DDX24: variants seen among roughly 807,000 people sequenced by gnomAD.
The protein encoded by DDX24 is DEAD-box helicase 24.
DDX24 carries 24 observed loss-of-function variants against 68.9 expected under a neutral mutation model. The ratio of observed to expected loss-of-function variants is 0.35; its 90% confidence interval spans 0.25 to 0.49. DDX24 has a LOEUF of 0.49. Among genes scored for constraint, DDX24 ranks in the 20% least tolerant of loss-of-function variants. The pLI is 0.99. For missense variants in DDX24, 989 were observed against 1,039.0 expected, an observed-to-expected ratio of 0.95 and a Z score of 0.66; for synonymous variants, 395 against 385.2, an observed-to-expected ratio of 1.03 and a Z score of -0.30.
At chr14:94,058,772 A>G (rs998331163) in intron 5 of DDX24, among the ~76,000 whole-genome samples, 1 of 152,224 alleles carries the variant, frequency 6.6e-6, no homozygotes, top group Non-Finnish European at 1.5e-5. Context: ...GTAAAACATT[A>G]AACTACTGCT....
At chr14:94,071,536 C>A (rs1378219008) in intron 2 of DDX24, among the ~76,000 whole-genome samples, 1 of 152,170 alleles carries the variant, frequency 6.6e-6, no homozygotes, top group Non-Finnish European at 1.5e-5. Context: ...GTAATCCCAG[C>A]TACTTAAGGA....
At chr14:94,057,928 T>C (rs1885520426) in intron 5 of DDX24, 31 bp from the exon 6 acceptor site, 2 of 1,598,918 alleles carry the variant, frequency 1.3e-6, no homozygotes, top group South Asian at 2.2e-5. Flanking sequence ...TTATTAATAA[T>C]AACTAACAGC....
chr14:94,063,110 CA>C (rs1362308676), intron 2 of DDX24, among the ~76,000 whole-genome samples: 1 of 152,104 alleles, frequency 6.6e-6, no homozygotes, highest in African/African-American at 2.4e-5. Context: ...GTGGTCAAAA[CA>C]AAACATCTCA....
In DDX24 at chr14:94,060,277, G is replaced by A. The variant is rs773776948; in HGVS notation, c.1734C>T (p.Tyr578=). 5.0e-6 allele frequency: 8 copies of A among 1,614,120 alleles called. No homozygotes were observed. The East Asian group carries it at 1.8e-4, about 36-fold the overall frequency. The part of the protein sequence containing the change: ...IHCETDEKDF[Y]LYYFLMQYPG... ...GATACTGCATCAGGAAGTAGTACAA[G>A]TAGAAGTCTTTCTCATCAGTCTCAC... is the stretch of plus-strand genomic sequence containing the variant. The change falls in exon 5 of 9, where the codon TAC becomes TAT. Residue 578 remains tyrosine (Y), a synonymous_variant. Coordinates refer to ENST00000621632, the MANE Select transcript of DDX24 (RefSeq NM_020414.4).
chr14:94,060,897 A>G lies in DDX24; in HGVS notation c.1397+16T>C. Reference sequence around the variant, plus strand: ...GAAAAGGCAGTGAGGGGGAAAAGAGAAGTGCCATCTATTACCTGAGCTGCC... The same window carrying G: ...GAAAAGGCAGTGAGGGGGAAAAGAGGAGTGCCATCTATTACCTGAGCTGCC... On this transcript the variant is annotated intron_variant, in intron 4 of 8. Coordinates refer to ENST00000621632, the MANE Select transcript of DDX24 (RefSeq NM_020414.4). The G allele has an allele frequency of 6.2e-6, 10 of 1,613,376 alleles. No homozygotes were observed. Among genetic ancestry groups the G allele is most frequent in the Non-Finnish European group, 7.6e-6 (9 of 1,179,502 alleles).
Position 94,062,575 on chromosome 14 carries a change from C to A in DDX24, c.765G>T (p.Val255=). 6.2e-7 allele frequency: 1 copy of A among 1,612,894 alleles called. No homozygotes were observed. The highest frequency in any genetic ancestry group is 8.5e-7 in the Non-Finnish European group (1 of 1,179,630). The change falls in exon 3 of 9, where the codon GTG becomes GTT. Residue 255 remains valine, a synonymous_variant. Coordinates refer to ENST00000621632, the MANE Select transcript of DDX24 (RefSeq NM_020414.4). The part of the protein sequence containing the change: ...LAFAIPMIHA[V]LQWQKRNAAP... ...CAGCATTCCTCTTCTGCCACTGCAA[C>A]ACCGCATGAATCATTGGGATGGCAA...
At chr14:94,054,423 G>T (rs915914444) in intron 7 of DDX24, among the ~76,000 whole-genome samples, 5 of 152,174 alleles carry the variant, frequency 3.3e-5, no homozygotes, top group African/African-American at 1.2e-4. Flanking sequence ...AGCTGGGATA[G>T]AACCTCTTCT....
At chr14:94,077,165 TG>T (rs1191837823) in intron 2 of DDX24, among the ~76,000 whole-genome samples, 3 of 152,204 alleles carry the variant, frequency 2.0e-5, no homozygotes, top group African/African-American at 7.2e-5. Flanking sequence ...CGTTTAAGTT[TG>T]GGGGGAGTTC....
chr14:94,064,964 C>A (rs1387377001), intron 2 of DDX24, among the ~76,000 whole-genome samples: 2 of 152,152 alleles, frequency 1.3e-5, no homozygotes, highest in Non-Finnish European at 2.9e-5. Flanking sequence ...TGTAGGATAA[C>A]CAGTTGGTGT....
chr14:94,062,667 C>G, intron 2 of DDX24, 46 bp from the exon 3 acceptor site: 1 of 1,545,470 alleles, frequency 6.5e-7, no homozygotes. Context: ...TGTGAATCAA[C>G]AGATGAACAT....
In DDX24 at chr14:94,053,358, C is replaced by CTTT. The variant is rs1160011824; in HGVS notation, c.2179-234_2179-232dup. The CTTT allele has an allele frequency of 2.0e-3, 254 of 124,736 alleles. 13 individuals carry two copies. The highest frequency in any genetic ancestry group is 7.2e-3 in the African/African-American group (109 of 15,176). The allele number at this position is 124,736 out of a possible 1,614,324, so 7.7% of individuals were successfully genotyped here. ...AGGCACCACCATGCCTAGGTAATTT[C>CTTT]TTTTTTTTTTTTTTTTTTTTTTTTT... On this transcript the variant is annotated intron_variant, in intron 7 of 8. Transcript: ENST00000621632.
chr14:94,079,316 T>A lies in DDX24; in HGVS notation c.427A>T (p.Thr143Ser). Residue 143 changes from threonine to serine, a missense_variant, in exon 2 of 9, where the codon ACA becomes TCA. Physicochemically the swap from Thr to Ser is moderately conservative, Grantham distance 58 (BLOSUM62 1). Coordinates refer to ENST00000621632, the MANE Select transcript of DDX24 (RefSeq NM_020414.4). ...GCAGTTTGGACCAGGTTTTCTGATG[T>A]CATCTCCCCAGCCTCCGGATCATCA... is the stretch of plus-strand genomic sequence containing the variant. ...VCDDPEAGEM[T>S]SENLVQTAPK... 1 of 1,614,162 alleles carries A rather than the reference T, an allele frequency of 6.2e-7. No individual in the cohort carries two copies. Among genetic ancestry groups the A allele is most frequent in the South Asian group, 1.1e-5 (1 of 91,086 alleles).
chr14:94,057,954 T>C, intron 5 of DDX24, 57 bp from the exon 6 acceptor site: 1 of 1,521,172 alleles, frequency 6.6e-7, no homozygotes, highest in South Asian at 1.1e-5. Flanking sequence ...TTAATCAAAT[T>C]CTTACCAACT....
Position 94,050,384 on chromosome 14 carries a change from G to A in DDX24, c.*807C>T, listed in dbSNP as rs1215215147. 6.6e-6 allele frequency: 1 copy of A among 152,348 alleles called. No individual in the cohort carries two copies. Among genetic ancestry groups the A allele is most frequent in the African/African-American group, 2.4e-5 (1 of 41,454 alleles). 9.4% of individuals were successfully genotyped at this position (152,348 alleles called of 1,614,324 possible). A position where few individuals can be genotyped will look rare whatever the true frequency, so the allele number is the denominator to read the frequency against. The stretch of plus-strand genomic sequence containing the variant: ...GCTCAGGACTAGAGGACCCATGGCA[G>A]TGCTCCAGGATGGAGAAGGCCAAAA... On this transcript the variant is annotated 3_prime_UTR_variant, in exon 9 of 9. Transcript: ENST00000621632.
At chr14:94,073,086 C>CTTTTT (rs10716706) in intron 2 of DDX24, among the ~76,000 whole-genome samples, 3 of 125,680 alleles carry the variant, frequency 2.4e-5, no homozygotes, top group Admixed American at 8.1e-5. Flanking sequence ...ATTTTCTTTT[C>CTTTTT]TTTTTTTTTT....
rs1355172460 is a variant in DDX24, at chr14:94,049,569, T to C, written c.*1622A>G. 1 of 148,772 alleles carries C rather than the reference T, an allele frequency of 6.7e-6. No individual in the cohort carries two copies. The highest frequency in any genetic ancestry group is 1.5e-5 in the Non-Finnish European group (1 of 67,762). The allele number at this position is 148,772 out of a possible 1,614,324, so 9.2% of individuals were successfully genotyped here. ...CCCTGGGCAAGTCTCAATCACTGGGTGTCTATATGCTCAAGTACAAAAAAC... is the reference window on the plus strand; with the variant it reads ...CCCTGGGCAAGTCTCAATCACTGGGCGTCTATATGCTCAAGTACAAAAAAC... On this transcript the variant is annotated 3_prime_UTR_variant, in exon 9 of 9. Coordinates refer to ENST00000621632, the MANE Select transcript of DDX24 (RefSeq NM_020414.4).
At chr14:94,077,313 T>C (rs11626017) in intron 2 of DDX24, among the ~76,000 whole-genome samples, 81,506 of 152,124 alleles carry the variant, frequency 0.54, 23,861 homozygotes, top group African/African-American at 0.79. Context: ...TTTTGAATTC[T>C]GGACTTGTAG....
intron 2 of DDX24, among the ~76,000 whole-genome samples, chr14:94,070,896 CTA>C (rs1005390193): frequency 1.3e-5 from 2 of 152,182 alleles, no homozygotes; most frequent in Non-Finnish European, 2.9e-5. Context: ...AGACCTGAAA[CTA>C]TAAAAATTCC....
chr14:94,073,923 G>T (rs1165662012), intron 2 of DDX24, among the ~76,000 whole-genome samples: 1 of 151,608 alleles, frequency 6.6e-6, no homozygotes, highest in African/African-American at 2.4e-5. Flanking sequence ...GGCACCTGTA[G>T]TCCCAGCTAC....
Sources: allele counts gnomAD v4.1 joint callset (sites outside exome capture counted in the v4.1 genomes callset), GRCh38; gene constraint gnomAD v4.1.1; transcripts MANE v1.5; gene names NCBI Gene and HGNC (gene_info 2026-07-23, HGNC 2026-07-21).